MAP2: variants seen among roughly 807,000 people sequenced by gnomAD.
MAP2 encodes microtubule-associated protein 2.
A neutral mutation model predicts 137.6 loss-of-function variants in MAP2; 14 were observed. That is an observed-to-expected ratio of 0.10 (90% CI 0.07 to 0.16). The LOEUF is 0.16. Among genes scored for constraint, MAP2 ranks in the 10% least tolerant of loss-of-function variants. MAP2 has a pLI of 1.00. For missense variants in MAP2, 2,088 were observed against 2,191.5 expected, an observed-to-expected ratio of 0.95 and a Z score of 0.94; for synonymous variants, 786 against 782.3, an observed-to-expected ratio of 1.00 and a Z score of -0.08.
intron 7 of MAP2, among the ~76,000 whole-genome samples, chr2:209,691,375 C>A (rs570296905): frequency 6.6e-6 from 1 of 152,152 alleles, no homozygotes; most frequent in South Asian, 2.1e-4. Context: ...CTTCTCATAT[C>A]ATTTTCTCCC....
chr2:209,727,695 G>A (rs2074567058), intron 14 of MAP2, among the ~76,000 whole-genome samples: 1 of 152,146 alleles, frequency 6.6e-6, no homozygotes, highest in African/African-American at 2.4e-5. Flanking sequence ...TGAAATATCT[G>A]TTCTTCTCAA....
chr2:209,678,893 G>A (rs2053211307), intron 6 of MAP2, among the ~76,000 whole-genome samples: 1 of 152,002 alleles, frequency 6.6e-6, no homozygotes, highest in Non-Finnish European at 1.5e-5. Flanking sequence ...TCGTTAGGGT[G>A]GTGAGCTTAC....
At chr2:209,590,317 G>A (rs2078909078) in intron 3 of MAP2, among the ~76,000 whole-genome samples, 2 of 152,026 alleles carry the variant, frequency 1.3e-5, no homozygotes, top group African/African-American at 4.8e-5. Context: ...CTAGCCACAT[G>A]CAGCTATTTA....
At chr2:209,563,443 A>G (rs1411920642) in intron 2 of MAP2, among the ~76,000 whole-genome samples, 1 of 147,756 alleles carries the variant, frequency 6.8e-6, no homozygotes, top group African/African-American at 2.7e-5. Context: ...CACCTTATAA[A>G]AGATTTTCAT....
chr2:209,696,116 C>A lies in MAP2; in HGVS notation c.3946C>A (p.Gln1316Lys), dbSNP rs2060114008. The A allele has an allele frequency of 6.2e-7, 1 of 1,613,346 alleles. No homozygotes were observed. The highest frequency in any genetic ancestry group is 8.5e-7 in the Non-Finnish European group (1 of 1,179,724). ...CAGCGTGCGTTTTGCAGCCCTAGAGCAGCCTGAGGTGGAAAGGAGACCATC... is the reference window on the plus strand; with the variant it reads ...CAGCGTGCGTTTTGCAGCCCTAGAGAAGCCTGAGGTGGAAAGGAGACCATC... ...SHSVRFAALE[Q>K]PEVERRPSPH... The change falls in exon 8 of 16, where the codon CAG becomes AAG. Residue 1316 changes from glutamine (Q) to lysine (K), a missense_variant. By Grantham distance (53) the Gln-to-Lys change is moderately conservative (BLOSUM62 1). Transcript: ENST00000682079.
chr2:209,643,244 C>A (rs1269789852), intron 4 of MAP2, among the ~76,000 whole-genome samples: 3 of 152,080 alleles, frequency 2.0e-5, no homozygotes, highest in Non-Finnish European at 4.4e-5. Context: ...TCTCCTTTTG[C>A]CAATTTTTGA....
chr2:209,675,130 GATA>G (rs1425999963), intron 5 of MAP2, among the ~76,000 whole-genome samples: 1 of 151,758 alleles, frequency 6.6e-6, no homozygotes, highest in Non-Finnish European at 1.5e-5. Flanking sequence ...AAGTCTTAAA[GATA>G]ATATGTCAAT....
intron 1 of MAP2, among the ~76,000 whole-genome samples, chr2:209,476,978 T>C (rs1163578744): frequency 6.6e-6 from 1 of 152,198 alleles, no homozygotes; most frequent in East Asian, 1.9e-4. Flanking sequence ...TGAGCTATTT[T>C]TCTTTTTAAA....
chr2:209,633,892 G>A (rs1251494980), intron 4 of MAP2, among the ~76,000 whole-genome samples: 1 of 152,162 alleles, frequency 6.6e-6, no homozygotes. Flanking sequence ...ACCCTTTGCA[G>A]GGCTTCTGTT....
intron 12 of MAP2, among the ~76,000 whole-genome samples, chr2:209,709,670 C>G (rs2064765496): frequency 6.6e-6 from 1 of 151,018 alleles, no homozygotes; most frequent in Admixed American, 6.6e-5. Context: ...GAGAACAAAT[C>G]AGAAAAAAAA....
chr2:209,623,767 G>C (rs752834846), intron 3 of MAP2, among the ~76,000 whole-genome samples: 2 of 152,042 alleles, frequency 1.3e-5, no homozygotes, highest in African/African-American at 2.4e-5. Context: ...GAAAAAAAAA[G>C]CTATATGCAA....
intron 11 of MAP2, among the ~76,000 whole-genome samples, chr2:209,701,106 T>A (rs1178878813): frequency 2.0e-5 from 3 of 152,022 alleles, no homozygotes; most frequent in Non-Finnish European, 4.4e-5. Context: ...AAATTATTGT[T>A]TCAAGAAAAA....
intron 5 of MAP2, among the ~76,000 whole-genome samples, chr2:209,654,367 G>C (rs1350183283): frequency 6.6e-6 from 1 of 152,180 alleles, no homozygotes; most frequent in African/African-American, 2.4e-5. Context: ...GAGTGATAGT[G>C]TCCAACCTGA....
intron 3 of MAP2, among the ~76,000 whole-genome samples, chr2:209,623,815 A>G (rs531888794): frequency 1.3e-5 from 2 of 151,796 alleles, no homozygotes; most frequent in East Asian, 3.9e-4. Flanking sequence ...TAAAATAGTT[A>G]TCAAATTATT....
chr2:209,696,996 T>C lies in MAP2; in HGVS notation c.4467T>C (p.Pro1489=), dbSNP rs2060336509. ...HSPSRKFILK[P]AIKYTRPTHL... ...CCTCCAGGAAATTCATTTTAAAACC[T>C]GCTATCAAATATACTAGACCAACTC... Residue 1489 remains proline (P), a synonymous_variant, in exon 10 of 16, where the codon CCT becomes CCC. Transcript: ENST00000682079. 1 of 1,613,298 alleles carries C rather than the reference T, an allele frequency of 6.2e-7. No homozygotes were observed.
At chr2:209,578,156 G>A (rs556015875) in intron 2 of MAP2, among the ~76,000 whole-genome samples, 4 of 152,252 alleles carry the variant, frequency 2.6e-5, no homozygotes, top group East Asian at 1.9e-4. Flanking sequence ...TTGTGACCTT[G>A]GTCATATTCT....
At chr2:209,501,929 A>G (rs942966541) in intron 1 of MAP2, among the ~76,000 whole-genome samples, 1 of 152,190 alleles carries the variant, frequency 6.6e-6, no homozygotes, top group Non-Finnish European at 1.5e-5. Flanking sequence ...CAGGTCAAAA[A>G]TGAATACCTC....
At chr2:209,561,020 T>C (rs1188669966) in intron 2 of MAP2, among the ~76,000 whole-genome samples, 5 of 152,124 alleles carry the variant, frequency 3.3e-5, no homozygotes, top group Admixed American at 2.6e-4. Flanking sequence ...AAAACAATAA[T>C]TCTTTTCTTT....
At chr2:209,615,536 A>G (rs1038404032) in intron 3 of MAP2, among the ~76,000 whole-genome samples, 9 of 152,172 alleles carry the variant, frequency 5.9e-5, no homozygotes, top group Non-Finnish European at 1.2e-4. Context: ...ACACTTTGCA[A>G]TTTTCCACAA....
Sources: allele counts gnomAD v4.1 joint callset (sites outside exome capture counted in the v4.1 genomes callset), GRCh38; gene constraint gnomAD v4.1.1; transcripts MANE v1.5; gene names NCBI Gene and HGNC (gene_info 2026-07-23, HGNC 2026-07-21).